PARD6B: variants seen among roughly 807,000 people sequenced by gnomAD.
PARD6B encodes the protein partitioning defective 6 homolog beta.
Under a neutral mutation model 10.5 loss-of-function variants are expected in PARD6B, and 4 were observed. The ratio of observed to expected loss-of-function variants is 0.38; its 90% CI spans 0.19 to 0.87. The LOEUF (loss-of-function observed/expected upper bound fraction) is 0.87, where lower values mean the gene tolerates loss of function less well. Among genes scored for constraint, PARD6B ranks in the 40% least tolerant of loss-of-function variants. The probability of loss-of-function intolerance (pLI) is 0.41; values close to 1 mark genes in which losing one functional copy is unlikely to be tolerated. For missense variants in PARD6B, 396 were observed against 470.6 expected (o/e 0.84, Z 1.47); for synonymous variants, 169 against 170.4 (o/e 0.99, Z 0.07).
rs1011706961 is a variant in PARD6B at position 50,751,913 on chromosome 20, A to G, written c.*1425A>G. On this transcript the variant is annotated 3_prime_UTR_variant, in exon 3 of 3. Transcript: ENST00000371610. ...GAGATGGAGTTTCACCATGTTGGTCAGGTGGGTCTCAAACTCCTGACCTCA... is the reference window on the plus strand; with the variant it reads ...GAGATGGAGTTTCACCATGTTGGTCGGGTGGGTCTCAAACTCCTGACCTCA... 7.8e-6 allele frequency: 7 copies of G among 900,078 alleles called. No homozygotes were observed. Among genetic ancestry groups the G allele is most frequent in the Non-Finnish European group, 9.3e-6 (7 of 752,588 alleles). 55.8% of individuals were successfully genotyped at this position (900,078 alleles called of 1,614,324 possible). A position where few individuals can be genotyped will look rare whatever the true frequency, so the allele number is the denominator to read the frequency against.
chr20:50,752,361 T>G lies in PARD6B; in HGVS notation c.*1873T>G. 1.0e-6 allele frequency: 1 copy of G among 985,700 alleles called. No homozygotes were observed. 61.1% of individuals were successfully genotyped at this position (985,700 alleles called of 1,614,324 possible). On this transcript the variant is annotated 3_prime_UTR_variant, in exon 3 of 3. Coordinates refer to ENST00000371610, the MANE Select transcript of PARD6B (RefSeq NM_032521.3). ...AAAAAAAAAATTGGGTTTTCCTTCA[T>G]GGGATTTCTAGAAACACTGCCTACA...
rs374580933 is a variant in PARD6B at position 50,749,584 on chromosome 20, C to A, written c.290-75C>A. The A allele has an allele frequency of 8.8e-6, 11 of 1,256,876 alleles. No homozygotes were observed. In the East Asian group the frequency reaches 2.5e-4, roughly 29 times the overall value. 77.9% of individuals were successfully genotyped at this position (1,256,876 alleles called of 1,614,324 possible). On this transcript the variant is annotated intron_variant, in intron 2 of 2. Transcript: ENST00000371610. ...CCAAATATATTTTGAGTTATCCTTT[C>A]TGTACAGATTCAGCTGCAAGTGAAT...
At chr20:50,732,349 C>G (rs2087476324) in intron 1 of PARD6B, among the ~76,000 whole-genome samples, 1 of 152,088 alleles carries the variant, frequency 6.6e-6, no homozygotes, top group Non-Finnish European at 1.5e-5. Context: ...GGCGCTCTTT[C>G]TAGCACTAAC....
At chr20:50,736,722 A>G (rs2123699524) in intron 1 of PARD6B, among the ~76,000 whole-genome samples, 1 of 145,978 alleles carries the variant, frequency 6.9e-6, no homozygotes, top group East Asian at 2.0e-4. Flanking sequence ...CTTTTTTGAG[A>G]CGGAGTCTTG....
At chr20:50,735,683 C>A (rs2087495915) in intron 1 of PARD6B, among the ~76,000 whole-genome samples, 1 of 151,906 alleles carries the variant, frequency 6.6e-6, no homozygotes, top group South Asian at 2.1e-4. Context: ...TTTTCCCATG[C>A]CAATATTGGC....
At position 50,751,815 on chromosome 20, in the gene PARD6B, C is replaced by G. The variant is rs918437692; in HGVS notation, c.*1327C>G. The G allele has an allele frequency of 1.6e-5, 15 of 925,974 alleles. No homozygotes were observed. In the African/African-American group the frequency reaches 2.7e-4, roughly 17 times the overall value. 57.4% of individuals were successfully genotyped at this position (925,974 alleles called of 1,614,324 possible). A position where few individuals can be genotyped will look rare whatever the true frequency, so the allele number is the denominator to read the frequency against. On this transcript the variant is annotated 3_prime_UTR_variant, in exon 3 of 3. Transcript: ENST00000371610. ...CTCCCGGGTTCAAGCAATTCTCCTG[C>G]CTCAGCCTTCTGAGTAGCTAAGATT...
At chr20:50,745,440 A>G (rs1449918856) in intron 2 of PARD6B, among the ~76,000 whole-genome samples, 3 of 151,534 alleles carry the variant, frequency 2.0e-5, no homozygotes, top group Admixed American at 2.0e-4. Context: ...TGCCAGATCT[A>G]TCTCATTTAA....
chr20:50,747,550 AGTT>A (rs1483334034), intron 2 of PARD6B, among the ~76,000 whole-genome samples: 53 of 99,458 alleles, frequency 5.3e-4, no homozygotes, highest in African/African-American at 1.9e-3. Context: ...GCATTATTGA[AGTT>A]GTTGTGTTTT....
chr20:50,738,571 T>C (rs1233952867), intron 2 of PARD6B, among the ~76,000 whole-genome samples: 1 of 152,262 alleles, frequency 6.6e-6, no homozygotes, highest in Non-Finnish European at 1.5e-5. Context: ...AAGATTATAA[T>C]ATTTTGTAGA....
chr20:50,734,444 T>C (rs1204778595), intron 1 of PARD6B, among the ~76,000 whole-genome samples: 1 of 152,032 alleles, frequency 6.6e-6, no homozygotes, highest in East Asian at 1.9e-4. Context: ...CCTCCTGAGC[T>C]CAAGCGATTC....
chr20:50,746,291 G>A (rs2087567387), intron 2 of PARD6B, among the ~76,000 whole-genome samples: 1 of 152,332 alleles, frequency 6.6e-6, no homozygotes, highest in African/African-American at 2.4e-5. Flanking sequence ...CACTATTTGT[G>A]TGTAAGAAAG....
chr20:50,735,650 A>G (rs1043917169), intron 1 of PARD6B, among the ~76,000 whole-genome samples: 5 of 152,252 alleles, frequency 3.3e-5, no homozygotes, highest in Non-Finnish European at 7.3e-5. Context: ...TGCAAGAAGC[A>G]TAACAATTTC....
chr20:50,731,882 C>CCTGGG (rs2087472962), intron 1 of PARD6B, 30 bp downstream of exon 1: 1 of 1,407,730 alleles, frequency 7.1e-7, no homozygotes, highest in Non-Finnish European at 9.2e-7. Flanking sequence ...GGCGGAGCGG[C>CCTGGG]GGGCCTGGGG....
intron 2 of PARD6B, among the ~76,000 whole-genome samples, chr20:50,746,121 C>T (rs778886086): frequency 1.3e-5 from 2 of 150,210 alleles, no homozygotes; most frequent in Non-Finnish European, 3.0e-5. Flanking sequence ...TTATGTCTTA[C>T]ATCTGCCTGC....
chr20:50,738,191 ATCT>A (rs1378738218), intron 2 of PARD6B, 112 bp downstream of exon 2: 19 of 688,134 alleles, frequency 2.8e-5, no homozygotes, highest in Non-Finnish European at 4.4e-5. Flanking sequence ...TTTTGTGTGA[ATCT>A]TCTTATGTTA....
intron 2 of PARD6B, among the ~76,000 whole-genome samples, chr20:50,743,379 T>C: frequency 6.6e-6 from 1 of 152,222 alleles, no homozygotes; most frequent in East Asian, 1.9e-4. Flanking sequence ...AAGGCTTTGC[T>C]TTAAACTTTG....
At chr20:50,742,316 T>G (rs1247147870) in intron 2 of PARD6B, among the ~76,000 whole-genome samples, 3 of 152,152 alleles carry the variant, frequency 2.0e-5, no homozygotes, top group Non-Finnish European at 4.4e-5. Flanking sequence ...AGTGCTGGGT[T>G]TACAGGTGGG....
At chr20:50,748,329 G>C (rs1332637012) in intron 2 of PARD6B, among the ~76,000 whole-genome samples, 1 of 152,240 alleles carries the variant, frequency 6.6e-6, no homozygotes, top group Non-Finnish European at 1.5e-5. Context: ...GGACGACAGA[G>C]CGAGACTCCG....
rs1481105379 is a variant in PARD6B at position 50,751,094 on chromosome 20, T to G, written c.*606T>G. 1 of 483,840 alleles carries G rather than the reference T, an allele frequency of 2.1e-6. No homozygotes were observed. Among genetic ancestry groups the G allele is most frequent in the Non-Finnish European group, 2.7e-6 (1 of 373,946 alleles). The allele number at this position is 483,840 out of a possible 1,614,324, so 30.0% of individuals were successfully genotyped here. ...AAGCAGTCCTCCCACCTCAGCCTCC[T>G]GAGTAGCTGGGACCATAGGCACATA... On this transcript the variant is annotated 3_prime_UTR_variant, in exon 3 of 3. Coordinates refer to ENST00000371610, the MANE Select transcript of PARD6B (RefSeq NM_032521.3).
Sources: gnomAD v4.1 joint callset for allele counts (sites outside exome capture counted in the v4.1 genomes callset) on GRCh38, gnomAD v4.1.1 for gene constraint, MANE v1.5 for transcripts, NCBI Gene and HGNC (gene_info 2026-07-23, HGNC 2026-07-21) for gene names.